MPRIP: variants seen among roughly 807,000 people sequenced by gnomAD.
MPRIP encodes myosin phosphatase Rho-interacting protein.
MPRIP carries 59 observed loss-of-function variants against 234.9 expected under a neutral mutation model. The observed-to-expected ratio is 0.25, with a 90% CI of 0.20 to 0.31. The LOEUF is 0.31. MPRIP is among the 10% of genes least tolerant of loss of function. MPRIP has a pLI of 1.00. For synonymous variants in MPRIP, 1,144 were observed against 1,263.9 expected (o/e 0.91, Z 2.01); for missense variants, 2,436 against 3,071.0 (o/e 0.79, Z 4.89).
At chr17:17,053,292 C>T (rs2088597272) in intron 1 of MPRIP, among the ~76,000 whole-genome samples, 1 of 152,112 alleles carries the variant, frequency 6.6e-6, no homozygotes, top group African/African-American at 2.4e-5. Context: ...TTACTTAGAG[C>T]TGAAGCATCT....
intron 1 of MPRIP, among the ~76,000 whole-genome samples, chr17:17,050,827 C>G (rs2088515949): frequency 1.3e-5 from 2 of 151,764 alleles, no homozygotes; most frequent in Non-Finnish European, 2.9e-5. Context: ...CTGTGGGGAG[C>G]CGGTGAGGGC....
intron 1 of MPRIP, among the ~76,000 whole-genome samples, chr17:17,064,480 CTG>C (rs961863423): frequency 1.3e-5 from 2 of 152,170 alleles, no homozygotes; most frequent in African/African-American, 4.8e-5. Context: ...TTCTGCAACA[CTG>C]TGGTACGGCA....
chr17:17,050,279 C>T (rs1330487486), intron 1 of MPRIP, among the ~76,000 whole-genome samples: 5 of 134,248 alleles, frequency 3.7e-5, no homozygotes, highest in African/African-American at 1.4e-4. Context: ...TGCGCCACTG[C>T]ACTCCAGCCT....
At chr17:17,086,064 A>T (rs2089584146) in intron 3 of MPRIP, among the ~76,000 whole-genome samples, 1 of 152,204 alleles carries the variant, frequency 6.6e-6, no homozygotes, top group Non-Finnish European at 1.5e-5. Flanking sequence ...GAATAAATTT[A>T]TTTTTTAAAG....
Position 17,169,047 on chromosome 17 carries a change from G to A in MPRIP, c.6324+1132G>A, listed in dbSNP as rs77387077. 1,116 of 456,474 alleles carry A rather than the reference G, an allele frequency of 2.4e-3. 14 individuals are homozygous for A. The highest frequency in any genetic ancestry group is 0.018 in the African/African-American group (921 of 50,148). The allele number at this position is 456,474 out of a possible 1,614,324, so 28.3% of individuals were successfully genotyped here. On this transcript the variant is annotated intron_variant, in intron 16 of 23. Coordinates refer to ENST00000651222, the MANE Select transcript of MPRIP (RefSeq NM_001364716.4). The stretch of plus-strand genomic sequence containing the variant: ...CCCAGACACACAGGTGTGGTTGTCA[G>A]CGAGCACCTCAGGAGAACTGAGAAG...
intron 20 of MPRIP, among the ~76,000 whole-genome samples, chr17:17,175,871 C>G (rs2046243539): frequency 6.6e-6 from 1 of 152,224 alleles, no homozygotes; most frequent in South Asian, 2.1e-4. Flanking sequence ...TTTCAGCACT[C>G]AGCCAGCCAG....
At chr17:17,053,491 A>C (rs896678046) in intron 1 of MPRIP, among the ~76,000 whole-genome samples, 47 of 152,288 alleles carry the variant, frequency 3.1e-4, no homozygotes, top group Admixed American at 9.8e-4. Flanking sequence ...GCAATAAACC[A>C]TGTAGTATGG....
intron 22 of MPRIP, chr17:17,178,892 C>G (rs2144700336): frequency 6.6e-6 from 1 of 152,042 alleles, no homozygotes; most frequent in South Asian, 2.1e-4. Context: ...GCACTCCAGC[C>G]TGGGTGACAG....
At chr17:17,062,912 T>G (rs2088909796) in intron 1 of MPRIP, among the ~76,000 whole-genome samples, 1 of 152,254 alleles carries the variant, frequency 6.6e-6, no homozygotes, top group Non-Finnish European at 1.5e-5. Context: ...CGTGTGCTGC[T>G]GTCTGAGTGC....
intron 16 of MPRIP, among the ~76,000 whole-genome samples, chr17:17,169,820 C>T (rs761728765): frequency 3.3e-5 from 5 of 152,232 alleles, no homozygotes; most frequent in Non-Finnish European, 5.9e-5. Context: ...CACCACACCA[C>T]GATTGCAGTC....
chr17:17,079,580 T>C (rs916238818), intron 3 of MPRIP, among the ~76,000 whole-genome samples: 4 of 152,228 alleles, frequency 2.6e-5, no homozygotes, highest in African/African-American at 9.7e-5. Context: ...TGTGGCTGAC[T>C]GACTGGCTGA....
At chr17:17,080,363 C>T (rs1435152002) in intron 3 of MPRIP, among the ~76,000 whole-genome samples, 1 of 152,224 alleles carries the variant, frequency 6.6e-6, no homozygotes, top group Non-Finnish European at 1.5e-5. Context: ...GGAGCTCCAG[C>T]TTAACGGTCA....
chr17:17,073,740 C>T (rs776692069), intron 1 of MPRIP, among the ~76,000 whole-genome samples: 2 of 152,126 alleles, frequency 1.3e-5, no homozygotes, highest in Admixed American at 6.5e-5. Flanking sequence ...AGAGGCCGAG[C>T]GTGTGTGCCC....
intron 2 of MPRIP, chr17:17,077,777 C>T: frequency 8.0e-6 from 3 of 376,524 alleles, no homozygotes; most frequent in South Asian, 3.7e-5. Context: ...AAAAAGACTT[C>T]TTATTAAGCC....
chr17:17,150,931 G>A (rs113272329), intron 12 of MPRIP, among the ~76,000 whole-genome samples: 2 of 151,858 alleles, frequency 1.3e-5, no homozygotes, highest in East Asian at 1.9e-4. Context: ...CTGCAGGCTC[G>A]AAATCCTAGA....
At chr17:17,114,243 A>G (rs147492426) in intron 3 of MPRIP, among the ~76,000 whole-genome samples, 2 of 152,104 alleles carry the variant, frequency 1.3e-5, no homozygotes, top group Non-Finnish European at 2.9e-5. Flanking sequence ...TTCTTTGTAT[A>G]TTCACATCCT....
intron 2 of MPRIP, chr17:17,076,141 A>T: frequency 5.3e-6 from 1 of 189,476 alleles, no homozygotes; most frequent in Non-Finnish European, 1.1e-5. Flanking sequence ...CCCCTGTAGC[A>T]CCTCCCTTCT....
chr17:17,136,236 G>A lies in MPRIP; in HGVS notation c.522G>A (p.Lys174=). Residue 174 remains lysine, a synonymous_variant, in exon 6 of 24, where the codon AAG becomes AAA. Transcript: ENST00000651222. The part of the protein sequence containing the change: ...PPTPQEPGPA[K]VAVTSSSSSS... ...TCCTCCAGGAGCCTGGGCCTGCCAA[G>A]GTGGCTGTTACCAGCAGCAGCAGCA... 1 of 1,603,134 alleles carries A rather than the reference G, an allele frequency of 6.2e-7. No homozygotes were observed. The highest frequency in any genetic ancestry group is 1.4e-5 in the African/African-American group (1 of 71,218).
intron 16 of MPRIP, chr17:17,168,677 G>T: frequency 2.8e-6 from 1 of 360,606 alleles, no homozygotes; most frequent in South Asian, 2.1e-5. Flanking sequence ...ACCATGTGTG[G>T]CTGTCAAGCA....
Sources: allele counts gnomAD v4.1 joint callset (sites outside exome capture counted in the v4.1 genomes callset), GRCh38; gene constraint gnomAD v4.1.1; transcripts MANE v1.5; gene names NCBI Gene and HGNC (gene_info 2026-07-23, HGNC 2026-07-21).